Variants in GPR19 observed in about 807,000 individuals in gnomAD.
GPR19 encodes G protein-coupled receptor 19, also known as probable G protein-coupled receptor 19.
In GPR19, 14 loss-of-function variants were observed where a neutral mutation model predicts 28.5. The ratio of observed to expected loss-of-function variants is 0.49; its 90% CI spans 0.32 to 0.77. GPR19 has a LOEUF of 0.77. Ranked by LOEUF, GPR19 falls within the 30% of genes least tolerant of loss-of-function variation. The pLI is 0.03. For synonymous variants in GPR19, 173 were observed against 184.1 expected (o/e 0.94, Z 0.49); for missense variants, 409 against 504.1 (o/e 0.81, Z 1.81).
At chr12:12,684,752 T>C (rs930463772) in intron 2 of GPR19, among the ~76,000 whole-genome samples, 1 of 152,188 alleles carries the variant, frequency 6.6e-6, no homozygotes, top group African/African-American at 2.4e-5. Flanking sequence ...AAAATCTCCA[T>C]ATGAAAAGGG....
At position 12,662,044 on chromosome 12, in the gene GPR19, A is replaced by G. The variant is rs61745294; in HGVS notation, c.405T>C (p.Ser135=). ...AATATCGCACAACCTTGCACGTTGC[A>G]CTACCCAGCGTCCACCTTCCAGTGG... ...QFTTGRWTLG[S]ATCKVVRYFQ... is the part of the protein sequence containing the mutation. The change falls in exon 4 of 4, where the codon AGT becomes AGC. Residue 135 remains serine (S), a synonymous_variant. Coordinates refer to ENST00000651487, the MANE Select transcript of GPR19 (RefSeq NM_006143.3). 2,176 of 1,614,232 alleles carry G rather than the reference A, an allele frequency of 1.3e-3. 28 individuals carry two copies. In the African/African-American group the frequency reaches 0.026, roughly 19 times the overall value.
chr12:12,692,894 G>C (rs138340791), intron 2 of GPR19, among the ~76,000 whole-genome samples: 1 of 151,958 alleles, frequency 6.6e-6, no homozygotes, highest in South Asian at 2.1e-4. Flanking sequence ...CATTCCTATC[G>C]GTCCCAGGAA....
chr12:12,703,671 G>C, the GPR19 span, among the ~76,000 whole-genome samples: 98,560 of 151,978 alleles, frequency 0.65, 34,585 homozygotes, highest in East Asian at 0.81. Flanking sequence ...CTTTTGGGTA[G>C]AGCAGTCTGT....
intron 3 of GPR19, among the ~76,000 whole-genome samples, chr12:12,667,804 T>G (rs1945804462): frequency 1.3e-5 from 2 of 152,310 alleles, no homozygotes; most frequent in African/African-American, 4.8e-5. Context: ...AATTTTTATT[T>G]TGCATGTTTG....
the GPR19 span, among the ~76,000 whole-genome samples, chr12:12,712,372 C>A: frequency 1.3e-5 from 2 of 152,204 alleles, no homozygotes; most frequent in Non-Finnish European, 2.9e-5. Context: ...CAACCCAGGC[C>A]CAGGGCCCAG....
intron 3 of GPR19, among the ~76,000 whole-genome samples, chr12:12,675,661 C>G (rs1377178347): frequency 6.6e-6 from 1 of 152,132 alleles, no homozygotes; most frequent in African/African-American, 2.4e-5. Context: ...CATGCTATTG[C>G]AGGCTCTGAG....
At chr12:12,675,241 AAGAGGGATAAGTGGAGCCG>A (rs1430292281) in intron 3 of GPR19, among the ~76,000 whole-genome samples, 1 of 152,168 alleles carries the variant, frequency 6.6e-6, no homozygotes, top group African/African-American at 2.4e-5. Flanking sequence ...GTTAGAGAGA[AAGAGGGATAAGTGGAGCCG>A]AGAGGAACAA....
At chr12:12,702,610 C>T in the GPR19 span, among the ~76,000 whole-genome samples, 3 of 152,242 alleles carry the variant, frequency 2.0e-5, no homozygotes, top group South Asian at 2.1e-4. Flanking sequence ...AGTGCCTTCT[C>T]GTTTTTTTTC....
intron 2 of GPR19, among the ~76,000 whole-genome samples, chr12:12,692,732 C>T (rs537274459): frequency 6.6e-6 from 1 of 151,582 alleles, no homozygotes; most frequent in African/African-American, 2.4e-5. Context: ...TGGGCTTAAG[C>T]CCCTTTCTCC....
the GPR19 span, among the ~76,000 whole-genome samples, chr12:12,706,877 C>A: frequency 6.6e-6 from 1 of 152,208 alleles, no homozygotes; most frequent in African/African-American, 2.4e-5. Flanking sequence ...TACATGGTCT[C>A]CCTACTTCTC....
chr12:12,699,973 T>G (rs575909608), upstream of GPR19, among the ~76,000 whole-genome samples: 456 of 99,786 alleles, frequency 4.6e-3, no homozygotes, highest in Middle Eastern at 0.029. Context: ...AAAAAAGCTT[T>G]CTTTCTTTTT....
intron 2 of GPR19, among the ~76,000 whole-genome samples, chr12:12,694,210 TTTTTTTG>T (rs1946229202): frequency 7.7e-6 from 1 of 130,564 alleles, no homozygotes; most frequent in African/African-American, 2.9e-5. Flanking sequence ...TTTTTTTTTT[TTTTTTTG>T]AGACGGAGTC....
At chr12:12,687,600 T>C (rs1946115226) in intron 2 of GPR19, among the ~76,000 whole-genome samples, 1 of 152,216 alleles carries the variant, frequency 6.6e-6, no homozygotes, top group Non-Finnish European at 1.5e-5. Flanking sequence ...TCCTGCGTTG[T>C]CTGAATTTAA....
intron 2 of GPR19, among the ~76,000 whole-genome samples, chr12:12,692,446 C>T (rs1566165531): frequency 6.6e-6 from 1 of 151,986 alleles, no homozygotes; most frequent in Non-Finnish European, 1.5e-5. Context: ...TTGCCCAGAC[C>T]GGTCTTGAAC....
At chr12:12,676,166 G>T (rs908057468) in intron 3 of GPR19, among the ~76,000 whole-genome samples, 1 of 152,186 alleles carries the variant, frequency 6.6e-6, no homozygotes, top group African/African-American at 2.4e-5. Flanking sequence ...TGGGCTGGGG[G>T]CTAAGAAACC....
the GPR19 span, among the ~76,000 whole-genome samples, chr12:12,716,520 C>G: frequency 1.3e-5 from 2 of 152,104 alleles, no homozygotes; most frequent in African/African-American, 4.8e-5. Context: ...GAAGGAAGAT[C>G]CTGGGCCAGG....
At chr12:12,666,434 C>T (rs947821805) in intron 3 of GPR19, among the ~76,000 whole-genome samples, 1 of 152,146 alleles carries the variant, frequency 6.6e-6, no homozygotes, top group Admixed American at 6.5e-5. Context: ...TGGAGTCTTC[C>T]AGGCAGCCTT....
intron 3 of GPR19, among the ~76,000 whole-genome samples, chr12:12,670,342 T>C (rs74501062): frequency 7.9e-5 from 12 of 152,274 alleles, no homozygotes; most frequent in African/African-American, 2.6e-4. Context: ...GCTAAAAAAA[T>C]CTCATGTTTT....
chr12:12,668,724 C>T (rs1409445513), intron 3 of GPR19, among the ~76,000 whole-genome samples: 1 of 150,618 alleles, frequency 6.6e-6, no homozygotes, highest in Non-Finnish European at 1.5e-5. Flanking sequence ...GAAGTATCTG[C>T]TGGACCTACA....
Sources: allele counts gnomAD v4.1 joint callset (sites outside exome capture counted in the v4.1 genomes callset), GRCh38; gene constraint gnomAD v4.1.1; transcripts MANE v1.5; gene names NCBI Gene and HGNC (gene_info 2026-07-23, HGNC 2026-07-21).